MTERF4: variants seen among roughly 807,000 people sequenced by gnomAD.
MTERF4 encodes the protein transcription termination factor 4, mitochondrial.
In MTERF4, 17 loss-of-function variants were observed where a neutral mutation model predicts 22.5. That is an observed-to-expected ratio of 0.75 (90% CI 0.52 to 1.13). The LOEUF (loss-of-function observed/expected upper bound fraction) is 1.13. MTERF4 is among the 50% of genes most tolerant of loss of function. The pLI, the probability that MTERF4 is intolerant of heterozygous loss-of-function variation, is 0.00. For synonymous variants in MTERF4, 165 were observed against 175.3 expected (o/e 0.94, Z 0.47); for missense variants, 420 against 466.8 (o/e 0.90, Z 0.92).
At chr2:241,053,597 T>G in the MTERF4 span, among the ~76,000 whole-genome samples, 1 of 152,186 alleles carries the variant, frequency 6.6e-6, no homozygotes, top group African/African-American at 2.4e-5. Flanking sequence ...AAATACCCAC[T>G]CTGCAGATGC....
At chr2:241,085,492 C>T (rs2063529448), downstream of MTERF4, among the ~76,000 whole-genome samples, 1 of 152,150 alleles carries the variant, frequency 6.6e-6, no homozygotes, top group Admixed American at 6.5e-5. Flanking sequence ...CTTTAGCTCA[C>T]TGAACATGTG....
At chr2:241,063,088 C>T in the MTERF4 span, among the ~76,000 whole-genome samples, 1 of 152,354 alleles carries the variant, frequency 6.6e-6, no homozygotes, top group East Asian at 1.9e-4. Context: ...CCTGCACCTC[C>T]CCAGGGGAGA....
At chr2:241,043,490 T>G in the MTERF4 span, among the ~76,000 whole-genome samples, 12,173 of 151,902 alleles carry the variant, frequency 0.08, 908 homozygotes, top group African/African-American at 0.19. Flanking sequence ...CCAGCATACC[T>G]GCATTACAAA....
At chr2:241,046,760 A>T in the MTERF4 span, among the ~76,000 whole-genome samples, 3 of 152,212 alleles carry the variant, frequency 2.0e-5, no homozygotes, top group African/African-American at 7.2e-5. Flanking sequence ...GTTAAAATTC[A>T]TAGAGGTGTG....
chr2:241,057,383 ATATAT>A, the MTERF4 span, among the ~76,000 whole-genome samples: 848 of 39,504 alleles, frequency 0.021, 4 homozygotes, highest in Middle Eastern at 0.11. Context: ...ATCTCAAAAT[ATATAT>A]ATATATATAT....
rs1233229393 is a variant in MTERF4, at chr2:241,073,657, C to T, written n.2505G>A. On this transcript the variant is annotated non_coding_transcript_exon_variant, in exon 5 of 5. Coordinates refer to the MTERF4 transcript ENST00000464344. This position sits in a 1 kb window ranked among gnomAD's most constrained non-coding sequence, Gnocchi z 6.6. The stretch of plus-strand genomic sequence containing the variant: ...CTGCCTCCCCTCCCCTCTCCTCCTT[C>T]GCCTCCACATGCAGCAGAGCCCACC... 2.2e-5 allele frequency: 11 copies of T among 504,130 alleles called. No homozygotes were observed. Among genetic ancestry groups the T allele is most frequent in the South Asian group, 3.6e-5 (1 of 27,618 alleles). The allele number at this position is 504,130 out of a possible 1,614,324, so 31.2% of individuals were successfully genotyped here.
At chr2:241,080,102 T>C (rs1247490237) in intron 4 of MTERF4, among the ~76,000 whole-genome samples, 3 of 152,098 alleles carry the variant, frequency 2.0e-5, no homozygotes, top group Middle Eastern at 3.2e-3. Context: ...CTGGACAACA[T>C]GGTGAAACCC....
the MTERF4 span, among the ~76,000 whole-genome samples, chr2:241,052,686 TCGGCGGGGGGGGGGGGGGTCAAG>T: frequency 1.0e-3 from 1 of 960 alleles, no homozygotes; most frequent in East Asian, 0.01. Context: ...GGTGAGAGGG[TCGGCGGGGGGGGGGGGGGTCAAG>T]CAGGGTACAT....
chr2:241,076,264 C>T (rs1037435363), intron 4 of MTERF4, among the ~76,000 whole-genome samples: 8 of 152,108 alleles, frequency 5.3e-5, no homozygotes, highest in Admixed American at 2.6e-4. Context: ...AAGTCTATAT[C>T]CATGGACATG....
At chr2:241,066,893 G>A in the MTERF4 span, among the ~76,000 whole-genome samples, 1 of 152,208 alleles carries the variant, frequency 6.6e-6, no homozygotes, top group Non-Finnish European at 1.5e-5. Context: ...TGTCCTGCAG[G>A]AGTTGACCAC....
At chr2:241,048,206 G>A in the MTERF4 span, 5 of 1,289,446 alleles carry the variant, frequency 3.9e-6, no homozygotes, top group Non-Finnish European at 5.2e-6. Flanking sequence ...AATTCCACTT[G>A]GGAATGACAA....
intron 4 of MTERF4, among the ~76,000 whole-genome samples, chr2:241,077,532 C>T (rs193141390): frequency 6.6e-5 from 10 of 152,166 alleles, no homozygotes; most frequent in Admixed American, 4.6e-4. Flanking sequence ...CAGAGACCCG[C>T]GTCTAAAATA....
chr2:241,048,716 C>A, the MTERF4 span: 25 of 1,612,872 alleles, frequency 1.6e-5, no homozygotes, highest in Middle Eastern at 1.6e-4. Context: ...GGCGCCAACA[C>A]CACCCTCTGC....
At chr2:241,048,620 C>T in the MTERF4 span, 7 of 1,552,416 alleles carry the variant, frequency 4.5e-6, no homozygotes, top group African/African-American at 9.5e-5. Flanking sequence ...TGCCATCTTT[C>T]TGCGCCCCCA....
At position 241,096,582 on chromosome 2, in the gene MTERF4, G is replaced by A. The variant is rs1396814735; in HGVS notation, c.706-144C>T. ...CAGCGAATACCCAGTCTAGGATACT[G>A]ACATTTGTGTGACAGCCAGCAGTTT... On this transcript the variant is annotated intron_variant, in intron 3 of 3. Transcript: ENST00000391980. The surrounding 1 kb of genome is among the most constrained non-coding windows in gnomAD (Gnocchi z 5.1). 2.3e-6 allele frequency: 2 copies of A among 867,430 alleles called. No individual in the cohort carries two copies. Among genetic ancestry groups the A allele is most frequent in the East Asian group, 5.2e-5 (2 of 38,478 alleles). The allele number at this position is 867,430 out of a possible 1,614,324, so 53.7% of individuals were successfully genotyped here.
chr2:241,088,523 G>C (rs184632336), downstream of MTERF4: 3 of 801,550 alleles, frequency 3.7e-6, no homozygotes, highest in African/African-American at 1.7e-5. Context: ...AAGGAAGCGC[G>C]GTCCTGTGCT....
the MTERF4 span, among the ~76,000 whole-genome samples, chr2:241,043,896 C>A: frequency 6.6e-6 from 1 of 152,116 alleles, no homozygotes; most frequent in Non-Finnish European, 1.5e-5. Context: ...AAGATTTGGT[C>A]TGTGGGTTAT....
At chr2:241,084,293 C>T (rs2063476366), downstream of MTERF4, among the ~76,000 whole-genome samples, 1 of 152,008 alleles carries the variant, frequency 6.6e-6, no homozygotes, top group South Asian at 2.1e-4. Context: ...CCTGCCACCA[C>T]ACCCTGCTAA....
At chr2:241,078,641 AG>A (rs1294577876) in intron 4 of MTERF4, among the ~76,000 whole-genome samples, 3 of 151,702 alleles carry the variant, frequency 2.0e-5, no homozygotes, top group Non-Finnish European at 2.9e-5. Flanking sequence ...TGGAGGGTGG[AG>A]GGGATGGGGA....
Sources: allele counts gnomAD v4.1 joint callset (sites outside exome capture counted in the v4.1 genomes callset), GRCh38; gene constraint gnomAD v4.1.1; non-coding constraint Gnocchi (gnomAD v3.1); transcripts MANE v1.5; gene names NCBI Gene and HGNC (gene_info 2026-07-23, HGNC 2026-07-21).